L3MBTL1: variants seen among roughly 807,000 people sequenced by gnomAD.
The protein encoded by L3MBTL1 is lethal(3)malignant brain tumor-like protein 1.
L3MBTL1 carries 75 observed loss-of-function variants against 105.3 expected under a neutral mutation model. That is an observed-to-expected ratio of 0.71 (90% CI 0.59 to 0.86). L3MBTL1 has a LOEUF of 0.86. Among genes scored for constraint, L3MBTL1 ranks in the 40% least tolerant of loss-of-function variants. The pLI is 0.00. For missense variants in L3MBTL1, 1,069 were observed against 1,126.4 expected (o/e 0.95, Z 0.73); for synonymous variants, 452 against 436.2 (o/e 1.04, Z -0.45).
At chr20:43,517,315 C>T (rs527588955) in intron 7 of L3MBTL1, among the ~76,000 whole-genome samples, 14 of 152,252 alleles carry the variant, frequency 9.2e-5, no homozygotes, top group South Asian at 2.1e-4. Context: ...AGGCTGGTCT[C>T]GAACTCTTAC....
chr20:43,514,501 C>G (rs1386828742), intron 3 of L3MBTL1, 134 bp from the exon 4 acceptor site: 1 of 1,542,642 alleles, frequency 6.5e-7, no homozygotes. Flanking sequence ...GGAGTGAGGC[C>G]CCCTGGCGTG....
chr20:43,526,981 C>T (rs1407844948), intron 7 of L3MBTL1, among the ~76,000 whole-genome samples: 1 of 152,046 alleles, frequency 6.6e-6, no homozygotes, highest in Non-Finnish European at 1.5e-5. Context: ...ACAGGTGCCT[C>T]TAGCCACTTA....
chr20:43,509,706 G>A (rs2018081643), intron 1 of L3MBTL1, among the ~76,000 whole-genome samples: 1 of 152,212 alleles, frequency 6.6e-6, no homozygotes. Flanking sequence ...CATGCTTGCT[G>A]GAAAAGAGGC....
rs750412451 is a variant in L3MBTL1 at position 43,516,129 on chromosome 20, C to T, written c.814C>T (p.Pro272Ser). 1.4e-5 allele frequency: 22 copies of T among 1,614,044 alleles called. No individual in the cohort carries two copies. The South Asian group carries it at 2.3e-4, about 17-fold the overall frequency. The stretch of plus-strand genomic sequence containing the variant: ...AGAAGGAAAGGACCCAGAGGGACAA[C>T]CCACTGCTAGCACCCCAGAGAGTGA... Reference protein sequence around the residue: ...QEEGKDPEGQPTASTPESEEW... With the variant: ...QEEGKDPEGQSTASTPESEEW... The change falls in exon 7 of 22, where the codon CCC becomes TCC. Residue 272 changes from proline (P) to serine (S), a missense_variant. Coordinates refer to ENST00000418998, the MANE Select transcript of L3MBTL1 (RefSeq NM_001377303.1).
At chr20:43,520,007 C>G (rs757653706) in intron 7 of L3MBTL1, among the ~76,000 whole-genome samples, 11 of 151,992 alleles carry the variant, frequency 7.2e-5, no homozygotes, top group Non-Finnish European at 1.0e-4. Flanking sequence ...TTGGTGTATT[C>G]ACAGAGTTCT....
chr20:43,534,244 G>A, intron 14 of L3MBTL1, 40 bp from the exon 15 acceptor site: 1 of 1,595,200 alleles, frequency 6.3e-7, no homozygotes, highest in Non-Finnish European at 8.6e-7. Flanking sequence ...CAGCTCTGCT[G>A]AGCTGCGCCT....
intron 8 of L3MBTL1, 129 bp downstream of exon 8, chr20:43,528,874 G>C: frequency 4.0e-6 from 3 of 747,488 alleles, no homozygotes; most frequent in Non-Finnish European, 7.0e-6. Flanking sequence ...GAAAGGGAGA[G>C]ACTGTTTAGG....
chr20:43,516,974 G>T (rs6103360), intron 7 of L3MBTL1, among the ~76,000 whole-genome samples: 78,811 of 151,576 alleles, frequency 0.52, 21,430 homozygotes, highest in African/African-American at 0.67. Flanking sequence ...TTAAATTTTT[G>T]TTATAGAGAT....
chr20:43,539,945 A>C, intron 19 of L3MBTL1: 1 of 651,234 alleles, frequency 1.5e-6, no homozygotes, highest in Non-Finnish European at 2.8e-6. Context: ...GAGAGTCTTT[A>C]AGAGAGTCAC....
intron 1 of L3MBTL1, among the ~76,000 whole-genome samples, chr20:43,508,646 C>T (rs968443005): frequency 3.3e-5 from 5 of 152,238 alleles, no homozygotes; most frequent in Admixed American, 2.0e-4. Flanking sequence ...GCTATGTGCA[C>T]GGCTCTGGGC....
At chr20:43,530,616 C>G in intron 10 of L3MBTL1, 182 bp from the exon 11 acceptor site, 4 of 778,288 alleles carry the variant, frequency 5.1e-6, no homozygotes, top group Non-Finnish European at 8.4e-6. Flanking sequence ...CCGCTTTGCA[C>G]TTGCCCTTTG....
chr20:43,532,634 C>T, intron 11 of L3MBTL1, 139 bp from the exon 12 acceptor site: 1 of 934,864 alleles, frequency 1.1e-6, no homozygotes, highest in Non-Finnish European at 1.6e-6. Context: ...GGCCCTCTTT[C>T]CCAGCTTATT....
intron 7 of L3MBTL1, among the ~76,000 whole-genome samples, chr20:43,525,986 A>G (rs967695017): frequency 6.6e-6 from 1 of 152,226 alleles, no homozygotes; most frequent in Non-Finnish European, 1.5e-5. Flanking sequence ...GTGAGCAAAT[A>G]TGAAGATAGT....
chr20:43,533,304 A>G (rs374221984), intron 12 of L3MBTL1, 38 bp from the exon 13 acceptor site: 194 of 1,597,688 alleles, frequency 1.2e-4, no homozygotes, highest in Middle Eastern at 1.7e-4. Flanking sequence ...CAGGGCCTCA[A>G]GTTTCTCTTG....
At chr20:43,525,280 A>G (rs1364437233) in intron 7 of L3MBTL1, among the ~76,000 whole-genome samples, 1 of 152,192 alleles carries the variant, frequency 6.6e-6, no homozygotes, top group African/African-American at 2.4e-5. Flanking sequence ...CTTGCCAAAG[A>G]AAGTGCTATC....
chr20:43,546,308 C>T (rs1200292053), downstream of L3MBTL1, among the ~76,000 whole-genome samples: 1 of 152,182 alleles, frequency 6.6e-6, no homozygotes, highest in African/African-American at 2.4e-5. Flanking sequence ...GGCAGCATTG[C>T]CCCCTGAGCT....
At chr20:43,526,732 G>A (rs532662672) in intron 7 of L3MBTL1, among the ~76,000 whole-genome samples, 3 of 152,328 alleles carry the variant, frequency 2.0e-5, no homozygotes, top group East Asian at 1.9e-4. Flanking sequence ...GGCCAAGGCA[G>A]GCGGATCACC....
intron 18 of L3MBTL1, 41 bp from the exon 19 acceptor site, chr20:43,536,364 CCAGA>C (rs1213621658): frequency 1.2e-6 from 2 of 1,613,270 alleles, no homozygotes; most frequent in South Asian, 1.1e-5. Flanking sequence ...TTGGACTGGG[CCAGA>C]CACTGATTCC....
chr20:43,530,130 G>A (rs998996647), intron 9 of L3MBTL1, among the ~76,000 whole-genome samples, 154 bp from the exon 10 acceptor site: 17 of 152,156 alleles, frequency 1.1e-4, no homozygotes, highest in African/African-American at 3.9e-4. Flanking sequence ...AATAGGACAG[G>A]GTGGGGTACA....
Sources: gnomAD v4.1 joint callset for allele counts (sites outside exome capture counted in the v4.1 genomes callset) on GRCh38, gnomAD v4.1.1 for gene constraint, MANE v1.5 for transcripts, NCBI Gene and HGNC (gene_info 2026-07-23, HGNC 2026-07-21) for gene names.